Variants in USP12 observed in about 807,000 individuals in gnomAD.
The protein encoded by USP12 is ubiquitin specific peptidase 12.
Under a neutral mutation model 45.5 loss-of-function variants are expected in USP12, and 19 were observed. That is an observed-to-expected ratio of 0.42 (90% confidence interval 0.29 to 0.61). The LOEUF is 0.61. Ranked by LOEUF, USP12 falls within the 20% of genes least tolerant of loss-of-function variation. The probability of loss-of-function intolerance (pLI) is 0.22; values close to 1 mark genes in which losing one functional copy is unlikely to be tolerated. For missense variants in USP12, 242 were observed against 447.7 expected (o/e 0.54, Z 4.15); for synonymous variants, 149 against 148.8 (o/e 1.00, Z -0.01).
chr13:27,123,079 G>A (rs1423251774), intron 1 of USP12, among the ~76,000 whole-genome samples: 1 of 126,894 alleles, frequency 7.9e-6, no homozygotes, highest in Non-Finnish European at 1.6e-5. Context: ...ATGACAGAGT[G>A]AGAGTCCATC....
chr13:27,110,994 T>C (rs1038633938), intron 2 of USP12, among the ~76,000 whole-genome samples: 17 of 152,118 alleles, frequency 1.1e-4, no homozygotes, highest in African/African-American at 4.1e-4. Context: ...GCAAATAGGA[T>C]AGGCTAAAAA....
chr13:27,103,218 T>C (rs1292170918), intron 3 of USP12, among the ~76,000 whole-genome samples: 1 of 152,116 alleles, frequency 6.6e-6, no homozygotes, highest in African/African-American at 2.4e-5. Context: ...CTGAAATGAG[T>C]AACATACTTT....
At chr13:27,123,467 C>T (rs1378467249) in intron 1 of USP12, among the ~76,000 whole-genome samples, 1 of 152,166 alleles carries the variant, frequency 6.6e-6, no homozygotes, top group Non-Finnish European at 1.5e-5. Flanking sequence ...CAACAATAGC[C>T]ATCCAATACT....
intron 3 of USP12, among the ~76,000 whole-genome samples, chr13:27,097,977 T>C (rs1874672385): frequency 7.8e-6 from 1 of 128,586 alleles, no homozygotes; most frequent in African/African-American, 2.8e-5. Context: ...GGTAACTTTA[T>C]ATAGTACTTT....
intron 6 of USP12, among the ~76,000 whole-genome samples, chr13:27,080,605 G>A (rs1250693929): frequency 1.3e-5 from 2 of 152,132 alleles, no homozygotes; most frequent in African/African-American, 4.8e-5. Context: ...AGATGAGAAG[G>A]CAAGGAGCTT....
At chr13:27,095,417 T>C (rs1874530566) in intron 4 of USP12, among the ~76,000 whole-genome samples, 184 bp downstream of exon 4, 1 of 152,208 alleles carries the variant, frequency 6.6e-6, no homozygotes, top group African/African-American at 2.4e-5. Flanking sequence ...CAGGTATTCA[T>C]TGTCAATAAG....
chr13:27,072,705 GA>G (rs1252263331), intron 7 of USP12, among the ~76,000 whole-genome samples: 1 of 152,192 alleles, frequency 6.6e-6, no homozygotes, highest in Admixed American at 6.5e-5. Flanking sequence ...AGAAGGGAGA[GA>G]GGGATGGGAA....
At chr13:27,114,764 A>AT (rs1290407602) in intron 2 of USP12, among the ~76,000 whole-genome samples, 22 of 129,168 alleles carry the variant, frequency 1.7e-4, no homozygotes, top group East Asian at 1.0e-3. Flanking sequence ...CCTCCTCTCC[A>AT]TTTTTAAAAA....
chr13:27,118,991 T>C (rs1187356396), intron 1 of USP12, among the ~76,000 whole-genome samples: 1 of 152,218 alleles, frequency 6.6e-6, no homozygotes, highest in African/African-American at 2.4e-5. Flanking sequence ...TGTCTCTCTC[T>C]GCCTCAGTTT....
At chr13:27,162,917 T>C (rs936637410) in intron 1 of USP12, 10 of 152,210 alleles carry the variant, frequency 6.6e-5, no homozygotes, top group Admixed American at 2.6e-4. Context: ...ATTCACTCCC[T>C]GTGTGGGTGT....
At chr13:27,149,711 A>G (rs917796169) in intron 1 of USP12, among the ~76,000 whole-genome samples, 2 of 152,238 alleles carry the variant, frequency 1.3e-5, no homozygotes, top group Admixed American at 1.3e-4. Flanking sequence ...TTCTACAGCA[A>G]CAGTCCCCAA....
intron 1 of USP12, among the ~76,000 whole-genome samples, chr13:27,151,417 C>T (rs938027865): frequency 1.3e-5 from 2 of 151,946 alleles, no homozygotes; most frequent in Non-Finnish European, 2.9e-5. Flanking sequence ...AATAGACAAC[C>T]CATAGAATGG....
intron 1 of USP12, among the ~76,000 whole-genome samples, chr13:27,141,878 T>C (rs867334505): frequency 2.6e-5 from 4 of 152,018 alleles, no homozygotes; most frequent in South Asian, 4.1e-4. Context: ...AACTGATGAG[T>C]TGAAGTCAAA....
At chr13:27,075,929 C>G (rs1010777077) in intron 6 of USP12, among the ~76,000 whole-genome samples, 1 of 150,600 alleles carries the variant, frequency 6.6e-6, no homozygotes, top group South Asian at 2.1e-4. Flanking sequence ...ACTCGGGAAG[C>G]TGGGGCAGGA....
chr13:27,159,431 C>A (rs566481884), intron 1 of USP12, among the ~76,000 whole-genome samples: 3 of 152,286 alleles, frequency 2.0e-5, no homozygotes, highest in Admixed American at 2.0e-4. Context: ...TTGCATCAGG[C>A]ATATAATTCT....
chr13:27,090,689 G>C (rs923856329), intron 4 of USP12, among the ~76,000 whole-genome samples: 4 of 152,132 alleles, frequency 2.6e-5, no homozygotes, highest in Admixed American at 1.3e-4. Flanking sequence ...ATGTGAACTG[G>C]AATAGGACAG....
intron 1 of USP12, among the ~76,000 whole-genome samples, chr13:27,146,353 G>A (rs963000912): frequency 1.3e-4 from 20 of 152,242 alleles, no homozygotes; most frequent in African/African-American, 4.1e-4. Context: ...AGTGAGCCAA[G>A]ATCATGCCAC....
At chr13:27,142,457 G>C (rs530763655) in intron 1 of USP12, among the ~76,000 whole-genome samples, 5 of 152,310 alleles carry the variant, frequency 3.3e-5, no homozygotes, top group South Asian at 2.1e-4. Flanking sequence ...TGACAGCATT[G>C]ATGTTTTAAA....
chr13:27,156,368 GA>G (rs1349226745), intron 1 of USP12, among the ~76,000 whole-genome samples: 2 of 152,188 alleles, frequency 1.3e-5, no homozygotes, highest in African/African-American at 4.8e-5. Context: ...GTGACAATCT[GA>G]TTTCCTCAAA....
Sources: gnomAD v4.1 joint callset for allele counts (sites outside exome capture counted in the v4.1 genomes callset) on GRCh38, gnomAD v4.1.1 for gene constraint, MANE v1.5 for transcripts, NCBI Gene and HGNC (gene_info 2026-07-23, HGNC 2026-07-21) for gene names.